The following C2CD5 variants were observed in gnomAD, a reference collection of about 807,000 sequenced individuals.
C2CD5 encodes C2 domain-containing protein 5.
C2CD5 carries 109 observed loss-of-function variants against 130.3 expected under a neutral mutation model. The observed-to-expected ratio is 0.84, with a 90% CI of 0.72 to 0.98. The LOEUF is 0.98. C2CD5 is among the 50% of genes least tolerant of loss of function. C2CD5 has a pLI of 0.00. For synonymous variants in C2CD5, 454 were observed against 429.2 expected (o/e 1.06, Z -0.71); for missense variants, 996 against 1,261.8 (o/e 0.79, Z 3.19).
intron 4 of C2CD5, among the ~76,000 whole-genome samples, chr12:22,526,646 G>A (rs944095747): frequency 6.6e-6 from 1 of 152,108 alleles, no homozygotes; most frequent in Non-Finnish European, 1.5e-5. Context: ...CAAGGCAGGA[G>A]GACAGCTTGA....
At chr12:22,470,125 C>T (rs1942785035) in intron 21 of C2CD5, among the ~76,000 whole-genome samples, 1 of 152,030 alleles carries the variant, frequency 6.6e-6, no homozygotes, top group African/African-American at 2.4e-5. Flanking sequence ...ATACTTAAAC[C>T]GGTTACATGT....
rs202138601 is a variant in C2CD5 at position 22,472,734 on chromosome 12, T to C, written c.2107+10A>G. 8.1e-6 allele frequency: 12 copies of C among 1,487,008 alleles called. No homozygotes were observed. The highest frequency in any genetic ancestry group is 4.5e-5 in the South Asian group (4 of 88,310). The allele number at this position is 1,487,008 out of a possible 1,614,324, so 92.1% of individuals were successfully genotyped here. A position where few individuals can be genotyped will look rare whatever the true frequency, so the allele number is the denominator to read the frequency against. ...ACTAGTTTCATCTCAAAGATAACTTTTTTGTTCACCTGAAGGAGGAGGAAC... is the reference window on the plus strand; with the variant it reads ...ACTAGTTTCATCTCAAAGATAACTTCTTTGTTCACCTGAAGGAGGAGGAAC... On this transcript the variant is annotated intron_variant, in intron 17 of 26. Transcript: ENST00000446597.
intron 7 of C2CD5, 102 bp from the exon 8 acceptor site, chr12:22,518,239 C>T: frequency 9.1e-7 from 1 of 1,102,418 alleles, no homozygotes; most frequent in Non-Finnish European, 1.4e-6. Context: ...GCAGGGCCAG[C>T]AGTCATTTCT....
At chr12:22,480,562 C>T (rs1413989077) in intron 14 of C2CD5, among the ~76,000 whole-genome samples, 3 of 152,216 alleles carry the variant, frequency 2.0e-5, no homozygotes, top group Non-Finnish European at 2.9e-5. Context: ...ACATCAGTGT[C>T]ATAAACTAGT....
chr12:22,454,387 CTCA>C (rs1015408792), intron 25 of C2CD5, among the ~76,000 whole-genome samples: 11 of 152,170 alleles, frequency 7.2e-5, no homozygotes, highest in African/African-American at 2.7e-4. Context: ...TCATATCATG[CTCA>C]TCATCATTTA....
chr12:22,464,068 C>T (rs1395518050), intron 22 of C2CD5, among the ~76,000 whole-genome samples: 4 of 152,014 alleles, frequency 2.6e-5, no homozygotes, highest in Non-Finnish European at 5.9e-5. Context: ...CAGTATAAAC[C>T]TGATCTATAA....
At chr12:22,492,251 T>A (rs987328628) in intron 11 of C2CD5, among the ~76,000 whole-genome samples, 10 of 152,024 alleles carry the variant, frequency 6.6e-5, no homozygotes, top group Admixed American at 6.6e-4. Context: ...CTAGATGATA[T>A]CAACTGTAAA....
At chr12:22,544,295 A>C (rs996402350) in intron 1 of C2CD5, 25 bp downstream of exon 1, 8 of 602,738 alleles carry the variant, frequency 1.3e-5, no homozygotes, top group Non-Finnish European at 8.2e-6. Context: ...GGCGCCCGGC[A>C]GTCGCGCCAC....
intron 25 of C2CD5, among the ~76,000 whole-genome samples, chr12:22,454,885 T>G (rs6487304): frequency 6.6e-6 from 1 of 152,076 alleles, no homozygotes; most frequent in Non-Finnish European, 1.5e-5. Context: ...GAATTCCATA[T>G]ATAATTGTAA....
intron 10 of C2CD5, among the ~76,000 whole-genome samples, chr12:22,505,254 C>CT (rs371726014): frequency 0.016 from 1,672 of 106,270 alleles, 28 homozygotes; most frequent in Admixed American, 0.062. Context: ...TTCTTTCTTT[C>CT]TTTTTTTTTT....
At chr12:22,491,310 C>A (rs1054435749) in intron 11 of C2CD5, among the ~76,000 whole-genome samples, 1 of 151,862 alleles carries the variant, frequency 6.6e-6, no homozygotes, top group African/African-American at 2.4e-5. Context: ...CTGTGGCCTT[C>A]TTTTTTTTGC....
chr12:22,535,689 C>A (rs1951754801), intron 2 of C2CD5, among the ~76,000 whole-genome samples: 1 of 152,146 alleles, frequency 6.6e-6, no homozygotes, highest in Admixed American at 6.5e-5. Context: ...AATGGAAATA[C>A]AGCTGTCTTT....
intron 7 of C2CD5, among the ~76,000 whole-genome samples, chr12:22,518,478 G>A (rs894156387): frequency 3.3e-5 from 5 of 152,114 alleles, no homozygotes; most frequent in African/African-American, 4.8e-5. Context: ...AAGAAAAATG[G>A]TAACTACAAA....
intron 10 of C2CD5, 74 bp downstream of exon 10, chr12:22,506,637 A>T (rs900134449): frequency 5.6e-6 from 5 of 900,816 alleles, no homozygotes; most frequent in South Asian, 1.5e-5. Flanking sequence ...ATTTGGCTTT[A>T]AAAAAATCAT....
rs34981115 is a variant in C2CD5, at chr12:22,513,329, A to G, written c.1003T>C (p.Leu335=). 10,419 of 1,612,070 alleles carry G rather than the reference A, an allele frequency of 6.5e-3. 60 individuals carry two copies. Among genetic ancestry groups the G allele is most frequent in the Middle Eastern group, 0.012 (75 of 6,056 alleles). The change falls in exon 9 of 27, where the codon TTA becomes CTA. Residue 335 remains leucine, a synonymous_variant. Transcript: ENST00000446597. ...AACGCTGATTGAGTCTGTTGTCTTA[A>G]AAGAGCTTTAAAGGGCCCCCCTTCT... The part of the protein sequence containing the change: ...GKEGGPFKAL[L]RQQTQSALEQ...
At chr12:22,486,348 C>T (rs1265021317) in intron 12 of C2CD5, among the ~76,000 whole-genome samples, 1 of 152,158 alleles carries the variant, frequency 6.6e-6, no homozygotes, top group Non-Finnish European at 1.5e-5. Context: ...TCAGGAAAGT[C>T]TAGAGGTGAA....
intron 12 of C2CD5, among the ~76,000 whole-genome samples, chr12:22,486,184 T>TG (rs1167263803): frequency 6.4e-5 from 8 of 125,776 alleles, no homozygotes; most frequent in Non-Finnish European, 8.0e-5. Context: ...CAGGCTTGAA[T>TG]GGAAAAAAAA....
At chr12:22,520,597 T>C (rs1329037120) in intron 7 of C2CD5, among the ~76,000 whole-genome samples, 1 of 152,120 alleles carries the variant, frequency 6.6e-6, no homozygotes, top group Non-Finnish European at 1.5e-5. Context: ...TTGTTTTTAT[T>C]TCTCCACTGA....
intron 15 of C2CD5, chr12:22,478,029 TCA>T (rs376381318): frequency 3.2e-3 from 951 of 300,410 alleles, no homozygotes; most frequent in South Asian, 5.0e-3. Context: ...ACACACACAC[TCA>T]CACACACACA....
Sources: gnomAD v4.1 joint callset for allele counts (sites outside exome capture counted in the v4.1 genomes callset) on GRCh38, gnomAD v4.1.1 for gene constraint, MANE v1.5 for transcripts, NCBI Gene and HGNC (gene_info 2026-07-23, HGNC 2026-07-21) for gene names.